CADPS2: variants seen among roughly 807,000 people sequenced by gnomAD.
CADPS2 encodes calcium dependent secretion activator 2.
In CADPS2, 93 loss-of-function variants were observed where a neutral mutation model predicts 172.5. The ratio of observed to expected loss-of-function variants is 0.54; its 90% CI spans 0.46 to 0.64. The LOEUF (loss-of-function observed/expected upper bound fraction) is 0.64, where lower values mean the gene tolerates loss of function less well. Ranked by LOEUF, CADPS2 falls within the 30% of genes least tolerant of loss-of-function variation. The pLI is 0.00. For synonymous variants in CADPS2, 546 were observed against 555.2 expected (o/e 0.98, Z 0.23); for missense variants, 1,420 against 1,565.9 (o/e 0.91, Z 1.57).
intron 1 of CADPS2, among the ~76,000 whole-genome samples, chr7:122,864,482 A>C (rs1817785394): frequency 2.0e-5 from 3 of 152,128 alleles, no homozygotes; most frequent in Non-Finnish European, 4.4e-5. Flanking sequence ...TCTGTCTCAA[A>C]AAACAAAAAA....
intron 1 of CADPS2, among the ~76,000 whole-genome samples, chr7:122,842,842 C>T (rs1170420979): frequency 6.6e-6 from 1 of 152,068 alleles, no homozygotes; most frequent in Non-Finnish European, 1.5e-5. Context: ...CCTACACTAT[C>T]CACTAAGGGC....
intron 2 of CADPS2, among the ~76,000 whole-genome samples, chr7:122,678,140 C>T (rs1192441640): frequency 2.0e-5 from 3 of 152,122 alleles, no homozygotes; most frequent in African/African-American, 7.2e-5. Context: ...AATCTAAAGG[C>T]TGCTGTGCTG....
chr7:122,860,015 G>A (rs906287909), intron 1 of CADPS2, among the ~76,000 whole-genome samples: 31 of 151,988 alleles, frequency 2.0e-4, no homozygotes, highest in African/African-American at 7.5e-4. Flanking sequence ...GTCTTAAAAG[G>A]ATGATCAGAA....
At chr7:122,624,645 G>T (rs1041810458) in intron 4 of CADPS2, among the ~76,000 whole-genome samples, 5 of 152,088 alleles carry the variant, frequency 3.3e-5, no homozygotes, top group African/African-American at 1.2e-4. Context: ...TTACCATATT[G>T]GTATTCTCTC....
intron 2 of CADPS2, among the ~76,000 whole-genome samples, chr7:122,694,641 T>C (rs1165933264): frequency 6.6e-6 from 1 of 152,198 alleles, no homozygotes; most frequent in Non-Finnish European, 1.5e-5. Flanking sequence ...CCATCTGTTT[T>C]TCTAAAGTAC....
rs775766265 is a variant in CADPS2 at position 122,663,304 on chromosome 7, T to C, written c.719A>G (p.Tyr240Cys). The C allele has an allele frequency of 1.9e-6, 3 of 1,613,822 alleles. No homozygotes were observed. Among genetic ancestry groups the C allele is most frequent in the African/African-American group, 2.7e-5 (2 of 74,926 alleles). The change falls in exon 3 of 30, where the codon TAT becomes TGT. Residue 240 changes from tyrosine (Y) to cysteine (C), a missense_variant. Coordinates refer to ENST00000449022, the MANE Select transcript of CADPS2 (RefSeq NM_017954.11). ...ACCCAGAATCTGCTGAAACATTTCATAGAGTTGTTCCTTGCTCAGAATAAG... is the reference window on the plus strand; with the variant it reads ...ACCCAGAATCTGCTGAAACATTTCACAGAGTTGTTCCTTGCTCAGAATAAG... ...SELILSKEQL[Y>C]EMFQQILGIK...
Position 122,705,533 on chromosome 7 carries a change from CTATATTA to C in CADPS2, c.453+31415_453+31421del, listed in dbSNP as rs869295136. Among the ~76,000 whole-genome samples, 491 of 108,248 alleles carry C rather than the reference CTATATTA, an allele frequency of 4.5e-3. 22 individuals carry two copies. Among genetic ancestry groups the C allele is most frequent in the Non-Finnish European group, 7.2e-3 (410 of 57,298 alleles). 71.0% of individuals were successfully genotyped at this position (108,248 alleles called of 152,430 possible). ...TATCTATATTTATATTGTGTATTAT[CTATATTA>C]TATATTATATATATTTATATTATAT... is the stretch of plus-strand genomic sequence containing the variant. On this transcript the variant is annotated intron_variant, in intron 2 of 29. Coordinates refer to ENST00000449022, the MANE Select transcript of CADPS2 (RefSeq NM_017954.11).
At chr7:122,744,869 G>A (rs1286122687) in intron 1 of CADPS2, among the ~76,000 whole-genome samples, 1 of 152,026 alleles carries the variant, frequency 6.6e-6, no homozygotes, top group Non-Finnish European at 1.5e-5. Flanking sequence ...GCGTGGGCAG[G>A]GAGCTGGTGA....
Position 122,338,399 on chromosome 7 carries a change from AAAAC to A in CADPS2, c.3612+7171_3612+7174del, listed in dbSNP as rs534926510. On this transcript the variant is annotated intron_variant, in intron 28 of 29. Transcript: ENST00000449022. Reference sequence around the variant, plus strand: ...ACAGAGTGAGACTCTGTCTCAGAAAAAAACAAACAAACAAACAAACAAATAAATA... The same window carrying A: ...ACAGAGTGAGACTCTGTCTCAGAAAAAAACAAACAAACAAACAAATAAATA... 1.4e-3 allele frequency among the ~76,000 whole-genome samples: 219 copies of A among 152,234 alleles called. 2 individuals are homozygous for A. In the South Asian group the frequency reaches 0.019, roughly 13 times the overall value.
At chr7:122,599,852 C>CTCTAAACA (rs1296225306) in intron 6 of CADPS2, among the ~76,000 whole-genome samples, 2 of 151,892 alleles carry the variant, frequency 1.3e-5, no homozygotes, top group Non-Finnish European at 2.9e-5. Context: ...TATATTTCAC[C>CTCTAAACA]TCTAAACACA....
chr7:122,533,236 G>A (rs2061938510), intron 8 of CADPS2, among the ~76,000 whole-genome samples: 1 of 151,882 alleles, frequency 6.6e-6, no homozygotes, highest in South Asian at 2.1e-4. Flanking sequence ...TTATTAATAT[G>A]TAGAAATTAT....
intron 2 of CADPS2, among the ~76,000 whole-genome samples, chr7:122,709,825 C>G (rs1283836668): frequency 6.6e-6 from 1 of 151,804 alleles, no homozygotes; most frequent in Non-Finnish European, 1.5e-5. Context: ...CCAAACACCA[C>G]ATGTTCTCAC....
At chr7:122,846,816 C>G (rs953060589) in intron 1 of CADPS2, among the ~76,000 whole-genome samples, 1 of 152,192 alleles carries the variant, frequency 6.6e-6, no homozygotes, top group African/African-American at 2.4e-5. Context: ...TGGCACCACT[C>G]CCTTATAGAA....
chr7:122,455,564 C>T (rs916340025), intron 14 of CADPS2, among the ~76,000 whole-genome samples: 10 of 151,696 alleles, frequency 6.6e-5, no homozygotes, highest in African/African-American at 2.4e-4. Context: ...ATATTTAATG[C>T]ATATATGCTG....
At position 122,681,388 on chromosome 7, in the gene CADPS2, A is replaced by G. The variant is rs1177310827; in HGVS notation, c.454-17819T>C. The G allele has an allele frequency of 1.3e-5, 19 of 1,491,086 alleles. No homozygotes were observed. In the Admixed American group the frequency reaches 3.2e-4, roughly 25 times the overall value. 92.4% of individuals were successfully genotyped at this position (1,491,086 alleles called of 1,614,324 possible). A position where few individuals can be genotyped will look rare whatever the true frequency, so the allele number is the denominator to read the frequency against. ...CACGTGCAACCTGTTCGCTGTACTA[A>G]CTGTGCCCGATGCGTGCCCAAGGAC... On this transcript the variant is annotated intron_variant, in intron 2 of 29. Transcript: ENST00000449022.
intron 1 of CADPS2, among the ~76,000 whole-genome samples, chr7:122,820,286 A>G (rs1802758989): frequency 6.6e-6 from 1 of 152,132 alleles, no homozygotes; most frequent in African/African-American, 2.4e-5. Flanking sequence ...GCACTGCCAC[A>G]AAGCTTCACA....
At chr7:122,552,262 G>A (rs1283082312) in intron 8 of CADPS2, among the ~76,000 whole-genome samples, 1 of 152,002 alleles carries the variant, frequency 6.6e-6, no homozygotes, top group Non-Finnish European at 1.5e-5. Flanking sequence ...ATAATTTTCA[G>A]TTCTAACATT....
chr7:122,629,624 C>T (rs1030565157), intron 3 of CADPS2, among the ~76,000 whole-genome samples: 6 of 152,044 alleles, frequency 3.9e-5, no homozygotes, highest in African/African-American at 1.2e-4. Context: ...AGATGAAGCT[C>T]TTGTTTTGTT....
chr7:122,466,970 G>T (rs1452631263), intron 14 of CADPS2, among the ~76,000 whole-genome samples: 1 of 151,944 alleles, frequency 6.6e-6, no homozygotes, highest in Non-Finnish European at 1.5e-5. Context: ...CAATTATCTT[G>T]CTTCAGTATT....
Sources: gnomAD v4.1 joint callset for allele counts (sites outside exome capture counted in the v4.1 genomes callset) on GRCh38, gnomAD v4.1.1 for gene constraint, MANE v1.5 for transcripts, NCBI Gene and HGNC (gene_info 2026-07-23, HGNC 2026-07-21) for gene names.